Variants in SPPL2A observed in about 807,000 individuals in gnomAD.
SPPL2A encodes signal peptide peptidase like 2A, also known as signal peptide peptidase-like 2A.
Under a neutral mutation model 63.8 loss-of-function variants are expected in SPPL2A, and 51 were observed. The observed-to-expected ratio is 0.80, with a 90% CI of 0.64 to 1.01. The LOEUF is 1.01. Among genes scored for constraint, SPPL2A ranks in the 50% least tolerant of loss-of-function variants. The probability of loss-of-function intolerance (pLI) is 0.00; values close to 1 mark genes in which losing one functional copy is unlikely to be tolerated. For synonymous variants in SPPL2A, 188 were observed against 205.8 expected (o/e 0.91, Z 0.74); for missense variants, 553 against 622.7 (o/e 0.89, Z 1.19).
chr15:50,742,899 G>A (rs2062833259), intron 5 of SPPL2A: 1 of 152,112 alleles, frequency 6.6e-6, no homozygotes, highest in Non-Finnish European at 1.5e-5. Flanking sequence ...GCTTGTCCTA[G>A]CGTGTATATA....
intron 11 of SPPL2A, 46 bp downstream of exon 11, chr15:50,726,275 A>G: frequency 1.3e-6 from 2 of 1,579,266 alleles, no homozygotes; most frequent in Non-Finnish European, 1.7e-6. Context: ...AACCGGATAC[A>G]CATACATACA....
At chr15:50,759,884 A>G (rs542896218) in intron 1 of SPPL2A, among the ~76,000 whole-genome samples, 1 of 152,248 alleles carries the variant, frequency 6.6e-6, no homozygotes, top group East Asian at 1.9e-4. Flanking sequence ...CCTTCTCAGG[A>G]TTTTTTGAGT....
chr15:50,760,639 G>A (rs1311803102), intron 1 of SPPL2A, among the ~76,000 whole-genome samples: 2 of 151,970 alleles, frequency 1.3e-5, no homozygotes, highest in African/African-American at 4.8e-5. Context: ...ATGATTTCCT[G>A]AAGGACCCAT....
At chr15:50,708,909 C>A (rs1285401766) in intron 14 of SPPL2A, among the ~76,000 whole-genome samples, 1 of 151,494 alleles carries the variant, frequency 6.6e-6, no homozygotes, top group Non-Finnish European at 1.5e-5. Flanking sequence ...TGGTGGCAAG[C>A]GCCTGTAGTC....
At chr15:50,731,945 C>CA (rs2062734943) in intron 9 of SPPL2A, among the ~76,000 whole-genome samples, 1 of 82,952 alleles carries the variant, frequency 1.2e-5, no homozygotes, top group Non-Finnish European at 2.5e-5. Flanking sequence ...AAAAAAAAAC[C>CA]AAATAAATAA....
rs773672701 is a variant in SPPL2A, at chr15:50,736,144, T to G, written c.889A>C (p.Ile297Leu). The stretch of plus-strand genomic sequence containing the variant: ...ACAGCCCAAACAACAGCTACTGCTA[T>G]GCACAGTCCAGAGAGAAAAATAAGT... ...VRLIFLSGLCIAVAVVWAVFR... is the reference protein window; with the variant it reads ...VRLIFLSGLCLAVAVVWAVFR... The change falls in exon 8 of 15, where the codon ATA (isoleucine) becomes CTA (leucine). Residue 297 changes from isoleucine (I) to leucine (L), a missense_variant. Transcript: ENST00000261854. The G allele has an allele frequency of 1.2e-6, 2 of 1,613,182 alleles. No individual in the cohort carries two copies. The highest frequency in any genetic ancestry group is 1.3e-5 in the African/African-American group (1 of 74,912).
In SPPL2A at chr15:50,703,356, A is replaced by ATATATATATATTTTT. The variant is rs1196710672; in HGVS notation, c.*4443_*4444insAAAAATATATATATA. ...TATATATATATATATACATATATAT[A>ATATATATATATTTTT]TTTTTTTTTTTTTTTTTTTTTTTTG... On this transcript the variant is annotated 3_prime_UTR_variant, in exon 15 of 15. Coordinates refer to ENST00000261854, the MANE Select transcript of SPPL2A (RefSeq NM_032802.4). The ATATATATATATTTTT allele has an allele frequency of 3.2e-5, 2 of 62,042 alleles. No homozygotes were observed. The highest frequency in any genetic ancestry group is 1.4e-4 in the African/African-American group (2 of 14,240). The allele number at this position is 62,042 out of a possible 1,614,324, so 3.8% of individuals were successfully genotyped here. A position where few individuals can be genotyped will look rare whatever the true frequency, so the allele number is the denominator to read the frequency against.
intron 8 of SPPL2A, among the ~76,000 whole-genome samples, chr15:50,733,145 T>C (rs1394466800): frequency 6.6e-6 from 1 of 152,190 alleles, no homozygotes; most frequent in East Asian, 1.9e-4. Context: ...AGAAAACAGC[T>C]GTTAACAAAA....
intron 14 of SPPL2A, among the ~76,000 whole-genome samples, chr15:50,715,368 A>G (rs2062592692): frequency 6.6e-6 from 1 of 152,180 alleles, no homozygotes; most frequent in South Asian, 2.1e-4. Flanking sequence ...CCCTTGGTTG[A>G]AATCTTTCCT....
At chr15:50,708,690 G>C (rs1478537087) in intron 14 of SPPL2A, among the ~76,000 whole-genome samples, 2 of 136,488 alleles carry the variant, frequency 1.5e-5, no homozygotes, top group Non-Finnish European at 3.1e-5. Flanking sequence ...TGGCAACAGA[G>C]TGAGACTCTG....
In SPPL2A at chr15:50,731,019, G is replaced by C. The variant is rs76947817; in HGVS notation, c.1035C>G (p.Gly345=). ...AAAATACATCATAGAGGAGGAGAAG[G>C]CCTAGAAGTATCACACATGACTGTC... The part of the protein sequence containing the change: ...PNFKSCVILL[G]LLLLYDVFFV... Residue 345 remains glycine, a synonymous_variant, in exon 10 of 15, where the codon GGC becomes GGG. Coordinates refer to ENST00000261854, the MANE Select transcript of SPPL2A (RefSeq NM_032802.4). 2.9e-3 allele frequency: 4,303 copies of C among 1,497,756 alleles called. 114 individuals are homozygous for C. The African/African-American group carries it at 0.055, about 19-fold the overall frequency. 92.8% of individuals were successfully genotyped at this position (1,497,756 alleles called of 1,614,324 possible).
Position 50,703,449 on chromosome 15 carries a change from A to C in SPPL2A, c.*4351T>G, listed in dbSNP as rs1358239040. ...GTGATCTCGACTCACTGCAACCTCC[A>C]CCTCCCAGGTTCAAGCGATTCTCCT... On this transcript the variant is annotated 3_prime_UTR_variant, in exon 15 of 15. Coordinates refer to ENST00000261854, the MANE Select transcript of SPPL2A (RefSeq NM_032802.4). 7.5e-6 allele frequency: 1 copy of C among 133,350 alleles called. No individual in the cohort carries two copies. The highest frequency in any genetic ancestry group is 1.5e-5 in the Non-Finnish European group (1 of 64,992). The allele number at this position is 133,350 out of a possible 1,614,324, so 8.3% of individuals were successfully genotyped here.
At chr15:50,753,214 T>C (rs910782747) in intron 1 of SPPL2A, among the ~76,000 whole-genome samples, 1 of 152,162 alleles carries the variant, frequency 6.6e-6, no homozygotes, top group Non-Finnish European at 1.5e-5. Context: ...TATTTTTATA[T>C]AATGACCCCT....
chr15:50,749,298 T>C (rs1167802243), intron 2 of SPPL2A, among the ~76,000 whole-genome samples: 1 of 152,146 alleles, frequency 6.6e-6, no homozygotes, highest in Non-Finnish European at 1.5e-5. Flanking sequence ...CACTATTTTT[T>C]TTTTTCAGAG....
At chr15:50,708,663 G>T (rs1316199853) in intron 14 of SPPL2A, among the ~76,000 whole-genome samples, 1 of 148,420 alleles carries the variant, frequency 6.7e-6, no homozygotes, top group African/African-American at 2.5e-5. Flanking sequence ...CCGAGATCAC[G>T]CCACTGCACT....
rs933819774 is a variant in SPPL2A at position 50,765,632 on chromosome 15, C to G, written c.-99G>C. 14 of 849,494 alleles carry G rather than the reference C, an allele frequency of 1.6e-5. No homozygotes were observed. The highest frequency in any genetic ancestry group is 2.1e-5 in the Non-Finnish European group (13 of 619,608). The allele number at this position is 849,494 out of a possible 1,614,324, so 52.6% of individuals were successfully genotyped here. A position where few individuals can be genotyped will look rare whatever the true frequency, so the allele number is the denominator to read the frequency against. The stretch of plus-strand genomic sequence containing the variant: ...CGCTGCGCTGCCTCCGTGGCCGGAC[C>G]GGACCGGACAGGCGCGGGCGGCCGG... On this transcript the variant is annotated 5_prime_UTR_variant, in exon 1 of 15. Transcript: ENST00000261854.
At chr15:50,761,561 A>C (rs2063011665) in intron 1 of SPPL2A, among the ~76,000 whole-genome samples, 1 of 152,116 alleles carries the variant, frequency 6.6e-6, no homozygotes, top group South Asian at 2.1e-4. Context: ...GGTTGTGATG[A>C]GCTGGGATCG....
chr15:50,722,647 G>A (rs1026800128), intron 12 of SPPL2A, among the ~76,000 whole-genome samples: 1 of 152,036 alleles, frequency 6.6e-6, no homozygotes, highest in African/African-American at 2.4e-5. Flanking sequence ...AGTAGAGATG[G>A]GGTTTCATCA....
At chr15:50,723,315 C>T (rs2062662372) in intron 12 of SPPL2A, among the ~76,000 whole-genome samples, 1 of 152,070 alleles carries the variant, frequency 6.6e-6, no homozygotes, top group South Asian at 2.1e-4. Flanking sequence ...GGTATATATC[C>T]AAAGGAACTG....
Sources: gnomAD v4.1 joint callset for allele counts (sites outside exome capture counted in the v4.1 genomes callset) on GRCh38, gnomAD v4.1.1 for gene constraint, MANE v1.5 for transcripts, NCBI Gene and HGNC (gene_info 2026-07-23, HGNC 2026-07-21) for gene names.